Variants in METTL15 observed in about 807,000 individuals in gnomAD.
METTL15 encodes methyltransferase 15, mitochondrial 12S rRNA N4-cytidine.
A neutral mutation model predicts 38.3 loss-of-function variants in METTL15; 34 were observed. The ratio of observed to expected loss-of-function variants is 0.89; its 90% CI spans 0.68 to 1.18. METTL15 has a LOEUF of 1.18. METTL15 is among the 50% of genes most tolerant of loss of function. The probability of loss-of-function intolerance (pLI) is 0.00; values close to 1 mark genes in which losing one functional copy is unlikely to be tolerated. For synonymous variants in METTL15, 162 were observed against 170.9 expected (o/e 0.95, Z 0.41); for missense variants, 438 against 498.4 (o/e 0.88, Z 1.15).
chr11:28,448,620 A>G (rs1272763213), intron 6 of METTL15, among the ~76,000 whole-genome samples: 1 of 152,044 alleles, frequency 6.6e-6, no homozygotes, highest in Non-Finnish European at 1.5e-5. Context: ...TTTGTTTTCT[A>G]CATTTTTTCA....
intron 5 of METTL15, chr11:28,398,747 A>G (rs549440691): frequency 1.3e-5 from 2 of 152,012 alleles, no homozygotes; most frequent in Non-Finnish European, 2.9e-5. Flanking sequence ...GTCTTTGCCC[A>G]TGCCTGTGTC....
intron 3 of METTL15, among the ~76,000 whole-genome samples, chr11:28,177,570 A>G (rs1299174860): frequency 6.6e-6 from 1 of 151,978 alleles, no homozygotes; most frequent in Admixed American, 6.6e-5. Flanking sequence ...AGAAAAAGTG[A>G]TTTTTTGGGA....
At chr11:28,497,184 GT>G (rs770434045) in intron 6 of METTL15, among the ~76,000 whole-genome samples, 1 of 152,206 alleles carries the variant, frequency 6.6e-6, no homozygotes, top group East Asian at 1.9e-4. Flanking sequence ...GGAGTGAAAT[GT>G]TACTCACTTT....
chr11:28,379,290 A>C (rs1850356511), intron 5 of METTL15, among the ~76,000 whole-genome samples: 1 of 151,908 alleles, frequency 6.6e-6, no homozygotes, highest in Non-Finnish European at 1.5e-5. Flanking sequence ...TAGTTCCTTA[A>C]GGTGAATGAT....
chr11:28,245,847 C>T (rs1411819239), intron 4 of METTL15, among the ~76,000 whole-genome samples: 1 of 151,938 alleles, frequency 6.6e-6, no homozygotes, highest in African/African-American at 2.4e-5. Context: ...CAGTTTCAGA[C>T]AACAAAATCT....
chr11:28,239,707 AT>A (rs1328337604), intron 4 of METTL15, among the ~76,000 whole-genome samples: 2 of 152,054 alleles, frequency 1.3e-5, no homozygotes, highest in African/African-American at 4.8e-5. Context: ...CCTCCAAGCC[AT>A]TTCCTCTTCC....
At chr11:28,352,470 GC>G (rs1850050156) in intron 4 of METTL15, among the ~76,000 whole-genome samples, 1 of 152,112 alleles carries the variant, frequency 6.6e-6, no homozygotes, top group African/African-American at 2.4e-5. Flanking sequence ...AACAGCAAAG[GC>G]TTAGAAGTAT....
chr11:28,235,293 T>C (rs1853900946), intron 4 of METTL15, among the ~76,000 whole-genome samples: 1 of 152,114 alleles, frequency 6.6e-6, no homozygotes, highest in African/African-American at 2.4e-5. Flanking sequence ...ATGCGGGCTC[T>C]TTTTTGATTC....
intron 4 of METTL15, among the ~76,000 whole-genome samples, chr11:28,218,302 G>T (rs1174068680): frequency 2.0e-5 from 3 of 152,028 alleles, no homozygotes; most frequent in African/African-American, 4.8e-5. Context: ...TCCTAGGTGT[G>T]TTATTCTCTT....
chr11:28,289,494 A>G (rs1856424538), intron 4 of METTL15, among the ~76,000 whole-genome samples: 1 of 152,122 alleles, frequency 6.6e-6, no homozygotes, highest in Admixed American at 6.6e-5. Flanking sequence ...ACCTTCCAAA[A>G]TGCATGCTAG....
intron 4 of METTL15, among the ~76,000 whole-genome samples, chr11:28,282,183 T>A (rs1856080882): frequency 6.6e-6 from 1 of 152,196 alleles, no homozygotes; most frequent in Non-Finnish European, 1.5e-5. Flanking sequence ...CAGATTATCA[T>A]GTATTCACCT....
intron 3 of METTL15, among the ~76,000 whole-genome samples, chr11:28,207,921 TG>T (rs1323460933): frequency 1.3e-5 from 2 of 152,212 alleles, no homozygotes; most frequent in African/African-American, 4.8e-5. Context: ...TATTCTCTGA[TG>T]GTAGTTTGTA....
At chr11:28,226,213 C>G (rs977600179) in intron 4 of METTL15, among the ~76,000 whole-genome samples, 1 of 151,856 alleles carries the variant, frequency 6.6e-6, no homozygotes, top group Admixed American at 6.6e-5. Flanking sequence ...GTGGAACATT[C>G]TTAACCTTTT....
intron 6 of METTL15, among the ~76,000 whole-genome samples, chr11:28,474,327 A>G (rs1412138484): frequency 2.0e-5 from 3 of 152,022 alleles, no homozygotes; most frequent in Non-Finnish European, 4.4e-5. Flanking sequence ...TCTATGTTTA[A>G]TTCTCCTTTC....
intron 3 of METTL15, among the ~76,000 whole-genome samples, chr11:28,116,849 A>G (rs1296508498): frequency 6.6e-6 from 1 of 152,094 alleles, no homozygotes; most frequent in Non-Finnish European, 1.5e-5. Context: ...AACTCACTGT[A>G]GTCTGGAACT....
chr11:28,194,128 C>CTTTCTTTCTT (rs1851804646), intron 3 of METTL15, among the ~76,000 whole-genome samples: 1 of 109,888 alleles, frequency 9.1e-6, no homozygotes, highest in Non-Finnish European at 1.9e-5. Flanking sequence ...GTTGATCTTT[C>CTTTCTTTCTT]TTTCTTTCTT....
intron 4 of METTL15, among the ~76,000 whole-genome samples, chr11:28,222,021 G>C (rs1039707267): frequency 2.0e-5 from 3 of 152,332 alleles, no homozygotes; most frequent in African/African-American, 7.2e-5. Flanking sequence ...TGAGGAGGCA[G>C]TCTGTCTGTT....
At chr11:28,362,666 T>G (rs532349837) in intron 5 of METTL15, among the ~76,000 whole-genome samples, 50 of 152,210 alleles carry the variant, frequency 3.3e-4, no homozygotes, top group Non-Finnish European at 7.2e-4. Flanking sequence ...CAATGGTCTC[T>G]AGCTTTATCC....
intron 5 of METTL15, among the ~76,000 whole-genome samples, chr11:28,292,477 G>C (rs1231882801): frequency 2.0e-5 from 3 of 152,014 alleles, no homozygotes; most frequent in African/African-American, 7.3e-5. Flanking sequence ...ATTTGGGTCA[G>C]TTCCAAGTCT....
Sources: allele counts gnomAD v4.1 joint callset (sites outside exome capture counted in the v4.1 genomes callset), GRCh38; gene constraint gnomAD v4.1.1; transcripts MANE v1.5; gene names NCBI Gene and HGNC (gene_info 2026-07-23, HGNC 2026-07-21).